The following SMARCA2 variants were observed in gnomAD, a reference collection of about 807,000 sequenced individuals.
SMARCA2 encodes the protein SWI/SNF related BAF chromatin remodeling complex subunit ATPase 2.
Under a neutral mutation model 199.8 loss-of-function variants are expected in SMARCA2, and 61 were observed. The ratio of observed to expected loss-of-function variants is 0.31; its 90% CI spans 0.25 to 0.38. The LOEUF (loss-of-function observed/expected upper bound fraction) is 0.38. Among genes scored for constraint, SMARCA2 ranks in the 10% least tolerant of loss-of-function variants. SMARCA2 has a pLI of 1.00. For synonymous variants in SMARCA2, 935 were observed against 732.0 expected (o/e 1.28, Z -4.48); for missense variants, 1,344 against 2,012.2 (o/e 0.67, Z 6.35).
intron 27 of SMARCA2, among the ~76,000 whole-genome samples, chr9:2,155,083 C>CTT (rs1392598673): frequency 6.6e-6 from 1 of 152,164 alleles, no homozygotes; most frequent in Non-Finnish European, 1.5e-5. Context: ...ATGTGCCTAA[C>CTT]TTGTAAGAAC....
intron 27 of SMARCA2, chr9:2,159,870 A>G (rs779179192): frequency 6.2e-7 from 1 of 1,612,132 alleles, no homozygotes; most frequent in South Asian, 1.1e-5. Flanking sequence ...TATCCCCACT[A>G]ACTGTGATTT....
At chr9:2,116,420 T>C (rs145669465) in intron 25 of SMARCA2, among the ~76,000 whole-genome samples, 12 of 152,254 alleles carry the variant, frequency 7.9e-5, no homozygotes, top group South Asian at 2.1e-4. Flanking sequence ...GGGGTCCTCT[T>C]TCTCTCATCC....
chr9:2,026,506 A>G (rs999909766), intron 1 of SMARCA2, among the ~76,000 whole-genome samples: 8 of 152,230 alleles, frequency 5.3e-5, no homozygotes, highest in African/African-American at 1.9e-4. Context: ...GGTGGAAATG[A>G]TAATGCATGT....
chr9:2,130,511 G>A (rs895870043), intron 27 of SMARCA2, among the ~76,000 whole-genome samples: 1 of 152,174 alleles, frequency 6.6e-6, no homozygotes, highest in Non-Finnish European at 1.5e-5. Context: ...TTCTGCTCAA[G>A]GCAATGAGTA....
rs1424196367 is a variant in SMARCA2 at position 2,056,048 on chromosome 9, C to T, written c.1174-624C>T. 6.6e-6 allele frequency among the ~76,000 whole-genome samples: 1 copy of T among 152,238 alleles called. No individual in the cohort carries two copies. Among genetic ancestry groups the T allele is most frequent in the African/African-American group, 2.4e-5 (1 of 41,532 alleles). ...CTCCAGTCCCTACCCCCTACCACCA[C>T]ATAACATGCAATACAGATAAAAGTA... On this transcript the variant is annotated intron_variant, in intron 6 of 33. Transcript: ENST00000349721. The surrounding 1 kb of genome is among the most constrained non-coding windows in gnomAD (Gnocchi z 4.0).
intron 4 of SMARCA2, chr9:2,046,172 T>C (rs1819834039): frequency 6.6e-6 from 1 of 152,174 alleles, no homozygotes; most frequent in South Asian, 2.1e-4. Context: ...TGAGATTCTT[T>C]TAAAAAAATT....
chr9:2,123,603 A>T lies in SMARCA2; in HGVS notation c.3763-116A>T. The stretch of plus-strand genomic sequence containing the variant: ...TAGAACAAGCCAACCAGGATGAGAG[A>T]GGTTGAAAGGGACCCTGCAGCCATA... On this transcript the variant is annotated intron_variant, in intron 26 of 33. Coordinates refer to ENST00000349721, the MANE Select transcript of SMARCA2 (RefSeq NM_003070.5). The surrounding 1 kb of genome is among the most constrained non-coding windows in gnomAD (Gnocchi z 4.1). 1 of 839,998 alleles carries T rather than the reference A, an allele frequency of 1.2e-6. No individual in the cohort carries two copies. Among genetic ancestry groups the T allele is most frequent in the Non-Finnish European group, 2.0e-6 (1 of 502,930 alleles). The allele number at this position is 839,998 out of a possible 1,614,324, so 52.0% of individuals were successfully genotyped here. A position where few individuals can be genotyped will look rare whatever the true frequency, so the allele number is the denominator to read the frequency against.
At chr9:2,084,299 CCTTTT>C (rs1349626301) in intron 17 of SMARCA2, 103 bp downstream of exon 17, 1 of 607,790 alleles carries the variant, frequency 1.6e-6, no homozygotes, top group Non-Finnish European at 2.8e-6. Flanking sequence ...GATGGCTTGT[CCTTTT>C]CTTTATTTTT....
intron 27 of SMARCA2, among the ~76,000 whole-genome samples, chr9:2,150,753 A>G (rs1440562150): frequency 6.6e-6 from 1 of 151,540 alleles, no homozygotes; most frequent in Non-Finnish European, 1.5e-5. Context: ...GAGATTTATT[A>G]TCTCACTGTG....
At chr9:2,187,498 C>T (rs1827553028) in intron 32 of SMARCA2, among the ~76,000 whole-genome samples, 1 of 151,946 alleles carries the variant, frequency 6.6e-6, no homozygotes, top group Non-Finnish European at 1.5e-5. Context: ...ATAGCAAGAC[C>T]CTATCTCTAC....
chr9:2,081,072 A>T (rs7874678), intron 14 of SMARCA2, among the ~76,000 whole-genome samples: 1 of 152,236 alleles, frequency 6.6e-6, no homozygotes, highest in Non-Finnish European at 1.5e-5. Flanking sequence ...TTTAGCAAAC[A>T]TATATATAAT....
At chr9:2,145,000 A>C (rs1170940059) in intron 27 of SMARCA2, among the ~76,000 whole-genome samples, 7 of 152,246 alleles carry the variant, frequency 4.6e-5, no homozygotes, top group Admixed American at 1.3e-4. Flanking sequence ...AAATGTGGCT[A>C]GTAAACTTAG....
intron 10 of SMARCA2, among the ~76,000 whole-genome samples, chr9:2,070,871 AC>A (rs1233470301): frequency 1.3e-5 from 2 of 152,244 alleles, no homozygotes; most frequent in Non-Finnish European, 2.9e-5. Context: ...AAATACATAA[AC>A]TAAAGAAGTC....
chr9:2,136,927 C>T (rs563182136), intron 27 of SMARCA2, among the ~76,000 whole-genome samples: 1 of 152,224 alleles, frequency 6.6e-6, no homozygotes, highest in South Asian at 2.1e-4. Flanking sequence ...TTTTCCCTTC[C>T]ACCATCCTCA....
chr9:2,147,862 G>A (rs1458878259), intron 27 of SMARCA2, among the ~76,000 whole-genome samples: 1 of 151,028 alleles, frequency 6.6e-6, no homozygotes, highest in Non-Finnish European at 1.5e-5. Context: ...AAAAAAAGTA[G>A]GGCCTCACCC....
chr9:2,070,880 G>A (rs887243109), intron 10 of SMARCA2, among the ~76,000 whole-genome samples: 31 of 152,290 alleles, frequency 2.0e-4, no homozygotes, highest in Non-Finnish European at 4.4e-5. Context: ...AACTAAAGAA[G>A]TCACATATTT....
At chr9:2,145,367 T>A (rs1824688584) in intron 27 of SMARCA2, among the ~76,000 whole-genome samples, 1 of 151,746 alleles carries the variant, frequency 6.6e-6, no homozygotes, top group East Asian at 1.9e-4. Flanking sequence ...GGAGAGATAT[T>A]TTAAGTAAGG....
chr9:2,189,582 G>A (rs191448406), intron 32 of SMARCA2, among the ~76,000 whole-genome samples: 274 of 151,944 alleles, frequency 1.8e-3, no homozygotes, highest in African/African-American at 6.3e-3. Flanking sequence ...TTCTTTCGAC[G>A]TCCTACATCT....
rs1819524327 is a variant in SMARCA2, at chr9:2,039,847, C to A, written c.737C>A (p.Pro246Gln). The A allele has an allele frequency of 6.2e-7, 1 of 1,613,080 alleles. No homozygotes were observed. Among genetic ancestry groups the A allele is most frequent in the South Asian group, 1.1e-5 (1 of 90,982 alleles). The part of the protein sequence containing the change: ...QQQPQQQPPQ[P>Q]QTQQQQQPAL... ...CAGCCGCAGCAGCAGCCGCCGCAAC[C>A]ACAGACGCAGCAACAACAGCAGCCG... The change falls in exon 4 of 34, where the codon CCA becomes CAA. Residue 246 changes from proline to glutamine, a missense_variant. Pro to Gln is a moderately conservative substitution (Grantham distance 76, BLOSUM62 -1). Transcript: ENST00000349721. The surrounding 1 kb of genome is among the most constrained non-coding windows in gnomAD (Gnocchi z 4.8).
Sources: allele counts gnomAD v4.1 joint callset (sites outside exome capture counted in the v4.1 genomes callset), GRCh38; gene constraint gnomAD v4.1.1; non-coding constraint Gnocchi (gnomAD v3.1); transcripts MANE v1.5; gene names NCBI Gene and HGNC (gene_info 2026-07-23, HGNC 2026-07-21).